Variants in LDLRAD4 observed in about 807,000 individuals in gnomAD.
The protein encoded by LDLRAD4 is low density lipoprotein receptor class A domain containing 4, also known as low-density lipoprotein receptor class A domain-containing protein 4.
Under a neutral mutation model 17.0 loss-of-function variants are expected in LDLRAD4, and 5 were observed. The ratio of observed to expected loss-of-function variants is 0.29; its 90% CI spans 0.15 to 0.62. The LOEUF is 0.62. Ranked by LOEUF, LDLRAD4 falls within the 20% of genes least tolerant of loss-of-function variation. LDLRAD4 has a pLI of 0.84. For missense variants in LDLRAD4, 340 were observed against 424.7 expected (o/e 0.80, Z 1.75); for synonymous variants, 168 against 171.8 (o/e 0.98, Z 0.17).
At chr18:13,610,020 G>A (rs1474932964) in intron 3 of LDLRAD4, among the ~76,000 whole-genome samples, 3 of 152,050 alleles carry the variant, frequency 2.0e-5, no homozygotes, top group Admixed American at 6.6e-5. Context: ...GGCTCCCATG[G>A]CCAAGATGCC....
chr18:13,232,249 C>T (rs1478411607), intron 1 of LDLRAD4, among the ~76,000 whole-genome samples: 1 of 152,166 alleles, frequency 6.6e-6, no homozygotes, highest in Non-Finnish European at 1.5e-5. Flanking sequence ...TGTCCCAGGT[C>T]CTGAGCAGTG....
intron 3 of LDLRAD4, chr18:13,612,599 T>C: frequency 6.4e-7 from 1 of 1,553,314 alleles, no homozygotes; most frequent in Non-Finnish European, 8.7e-7. Flanking sequence ...CAGCTATAAC[T>C]GCAGCTCTGA....
chr18:13,574,101 C>T (rs751121618), intron 3 of LDLRAD4, among the ~76,000 whole-genome samples: 15 of 152,154 alleles, frequency 9.9e-5, no homozygotes, highest in Non-Finnish European at 1.6e-4. Flanking sequence ...AACTCTTGGT[C>T]GTTCCACTTG....
chr18:13,630,464 G>C (rs77258095), intron 4 of LDLRAD4, among the ~76,000 whole-genome samples: 69 of 152,310 alleles, frequency 4.5e-4, no homozygotes, highest in African/African-American at 1.6e-3. Flanking sequence ...AGGTGTTGCT[G>C]AATATCCAAA....
intron 2 of LDLRAD4, 114 bp downstream of exon 3, chr18:13,387,876 C>A: frequency 1.2e-6 from 1 of 850,138 alleles, no homozygotes; most frequent in Non-Finnish European, 2.0e-6. Context: ...AAGGCCAACG[C>A]AGTCAAGGGC....
At chr18:13,289,661 G>C (rs1176453827) in intron 1 of LDLRAD4, among the ~76,000 whole-genome samples, 1 of 152,136 alleles carries the variant, frequency 6.6e-6, no homozygotes, top group African/African-American at 2.4e-5. Context: ...AAAATTATGG[G>C]GCCGTCTGTC....
Position 13,226,710 on chromosome 18 carries a change from GAATAAAATAA to G in LDLRAD4, c.-467+7762_-467+7771del, listed in dbSNP as rs60378544. Among the ~76,000 whole-genome samples the G allele has an allele frequency of 3.2e-3, 446 of 139,556 alleles. 1 individual carries two copies. The highest frequency in any genetic ancestry group is 7.5e-3 in the South Asian group (31 of 4,108). The allele number at this position is 139,556 out of a possible 152,430, so 91.6% of individuals were successfully genotyped here. A position where few individuals can be genotyped will look rare whatever the true frequency, so the allele number is the denominator to read the frequency against. On this transcript the variant is annotated intron_variant, in intron 1 of 5. Coordinates refer to the LDLRAD4 transcript ENST00000399848. Reference sequence around the variant, plus strand: ...AAGACCTTTGTGCTTTTTAAAATTTGAATAAAATAAAATAAAATAAAATAAAATAAAATAA... The same window carrying G: ...AAGACCTTTGTGCTTTTTAAAATTTGAATAAAATAAAATAAAATAAAATAA...
chr18:13,228,768 T>A (rs1317543647), intron 1 of LDLRAD4, among the ~76,000 whole-genome samples: 1 of 152,228 alleles, frequency 6.6e-6, no homozygotes, highest in Non-Finnish European at 1.5e-5. Context: ...CATTCAAAAT[T>A]GTTTACTTCT....
intron 1 of LDLRAD4, among the ~76,000 whole-genome samples, chr18:13,269,792 A>G (rs191431340): frequency 2.5e-4 from 38 of 152,226 alleles, no homozygotes; most frequent in Admixed American, 1.5e-3. Flanking sequence ...TCTCAAACTC[A>G]GTGTCCTCAC....
chr18:13,392,722 A>AT (rs2086370100), intron 2 of LDLRAD4, among the ~76,000 whole-genome samples: 1 of 152,226 alleles, frequency 6.6e-6, no homozygotes, highest in East Asian at 1.9e-4. Context: ...TGCACAATTA[A>AT]TTTTCTTAGG....
chr18:13,546,724 C>T lies in LDLRAD4; in HGVS notation c.182-74393C>T, dbSNP rs555389859. 1.4e-3 allele frequency among the ~76,000 whole-genome samples: 207 copies of T among 152,268 alleles called. 1 individual carries two copies. The highest frequency in any genetic ancestry group is 2.0e-3 in the Non-Finnish European group (135 of 68,018). ...GCAAGCTCATTAGGCCTGATGCTGT[C>T]GGGCACGTGGTTCCCCCATCCGCCA... On this transcript the variant is annotated intron_variant, in intron 3 of 5. Coordinates refer to ENST00000359446, the Ensembl canonical transcript of LDLRAD4.
At chr18:13,566,761 A>G (rs554360713) in intron 3 of LDLRAD4, among the ~76,000 whole-genome samples, 1 of 152,314 alleles carries the variant, frequency 6.6e-6, no homozygotes, top group South Asian at 2.1e-4. Flanking sequence ...TCCTTGACAC[A>G]TGGGTTCTCC....
intron 1 of LDLRAD4, chr18:13,236,392 G>C (rs4616353): frequency 0.46 from 67,919 of 147,620 alleles, 16,039 homozygotes; most frequent in African/African-American, 0.59. Context: ...ACACTGCAAC[G>C]TCTGCCTCCC....
At chr18:13,223,735 G>C (rs1350937096) in intron 1 of LDLRAD4, among the ~76,000 whole-genome samples, 2 of 152,198 alleles carry the variant, frequency 1.3e-5, no homozygotes, top group African/African-American at 4.8e-5. Context: ...CTGTGTGCCA[G>C]GCTCTGTTCT....
chr18:13,382,804 G>T (rs564176234), intron 1 of LDLRAD4: 1 of 152,394 alleles, frequency 6.6e-6, no homozygotes, highest in East Asian at 1.9e-4. Flanking sequence ...AGCTTCCTGG[G>T]CCTCAGGAGT....
chr18:13,597,508 C>CTCTG (rs1407529956), intron 3 of LDLRAD4, among the ~76,000 whole-genome samples: 16 of 146,394 alleles, frequency 1.1e-4, no homozygotes. Flanking sequence ...CTGCTCATTT[C>CTCTG]TCTCTCTCTC....
chr18:13,644,915 G>A, intron 5 of LDLRAD4: 4 of 556,756 alleles, frequency 7.2e-6, no homozygotes, highest in Non-Finnish European at 1.3e-5. Context: ...GATGCGCTGG[G>A]ATTTGGCAAG....
chr18:13,324,759 C>T (rs200450906), intron 1 of LDLRAD4, among the ~76,000 whole-genome samples: 31 of 152,198 alleles, frequency 2.0e-4, no homozygotes, highest in East Asian at 1.9e-3. Flanking sequence ...AAGACACACA[C>T]GTCACAGTAG....
At chr18:13,577,433 G>A (rs1047774933) in intron 3 of LDLRAD4, among the ~76,000 whole-genome samples, 2 of 152,142 alleles carry the variant, frequency 1.3e-5, no homozygotes, top group Non-Finnish European at 2.9e-5. Context: ...TTGCTCAGCC[G>A]AGGACAGCTT....
Sources: gnomAD v4.1 joint callset for allele counts (sites outside exome capture counted in the v4.1 genomes callset) on GRCh38, gnomAD v4.1.1 for gene constraint, MANE v1.5 for transcripts, NCBI Gene and HGNC (gene_info 2026-07-23, HGNC 2026-07-21) for gene names.